Variants in ADAMTS18 observed in about 807,000 individuals in gnomAD.
ADAMTS18 encodes A disintegrin and metalloproteinase with thrombospondin motifs 18.
In ADAMTS18, 157 loss-of-function variants were observed where a neutral mutation model predicts 165.9. The ratio of observed to expected loss-of-function variants is 0.95; its 90% CI spans 0.83 to 1.08. The LOEUF (loss-of-function observed/expected upper bound fraction) is 1.08, where lower values mean the gene tolerates loss of function less well. ADAMTS18 is among the 50% of genes least tolerant of loss of function. ADAMTS18 has a pLI of 0.00. For synonymous variants in ADAMTS18, 782 were observed against 578.2 expected (o/e 1.35, Z -5.06); for missense variants, 2,040 against 1,534.0 (o/e 1.33, Z -5.51).
At chr16:77,434,542 C>G in intron 1 of ADAMTS18, 37 bp from the exon 2 acceptor site, 2 of 1,536,516 alleles carry the variant, frequency 1.3e-6, no homozygotes, top group Non-Finnish European at 1.7e-6. Flanking sequence ...GTGAGGGGCG[C>G]GGCGGGGCTG....
At chr16:77,426,402 T>A (rs2057673693) in intron 3 of ADAMTS18, among the ~76,000 whole-genome samples, 1 of 151,990 alleles carries the variant, frequency 6.6e-6, no homozygotes, top group South Asian at 2.1e-4. Flanking sequence ...ATAAACAGAG[T>A]TAAACAGGTG....
chr16:77,389,290 G>C (rs746565896), intron 3 of ADAMTS18, among the ~76,000 whole-genome samples: 1 of 152,202 alleles, frequency 6.6e-6, no homozygotes, highest in East Asian at 1.9e-4. Flanking sequence ...AGGCGACAGA[G>C]TGAGACTTTA....
chr16:77,421,523 C>A (rs771101433), intron 3 of ADAMTS18, among the ~76,000 whole-genome samples: 18 of 152,358 alleles, frequency 1.2e-4, no homozygotes, highest in South Asian at 4.1e-4. Context: ...TGGTGGGAAA[C>A]CACGCAATTT....
intron 3 of ADAMTS18, among the ~76,000 whole-genome samples, chr16:77,408,538 T>C (rs925546188): frequency 1.3e-5 from 2 of 152,154 alleles, no homozygotes; most frequent in Admixed American, 6.6e-5. Context: ...TACAGCTACA[T>C]ATAACAATAT....
rs541498446 is a variant in ADAMTS18 at position 77,372,492 on chromosome 16, T to A, written c.496-4769A>T. 5.9e-5 allele frequency among the ~76,000 whole-genome samples: 9 copies of A among 152,328 alleles called. No homozygotes were observed. In the South Asian group the frequency reaches 1.7e-3, roughly 28 times the overall value. The stretch of plus-strand genomic sequence containing the variant: ...GATAGTCATCTCAGGAGCTGTGGCA[T>A]CGACATGATGTGTAGAGCCTGAAAT... On this transcript the variant is annotated intron_variant, in intron 3 of 22. Transcript: ENST00000282849.
At chr16:77,317,116 T>C (rs983268694) in intron 16 of ADAMTS18, among the ~76,000 whole-genome samples, 2 of 152,232 alleles carry the variant, frequency 1.3e-5, no homozygotes, top group East Asian at 1.9e-4. Context: ...TGTTTTTTTA[T>C]CTCATACTTT....
intron 13 of ADAMTS18, among the ~76,000 whole-genome samples, chr16:77,324,212 C>T (rs2056054236): frequency 6.6e-6 from 1 of 152,112 alleles, no homozygotes; most frequent in African/African-American, 2.4e-5. Flanking sequence ...GAGAAAGAAC[C>T]ACAGGTAGGA....
chr16:77,320,990 A>G, intron 15 of ADAMTS18, 89 bp downstream of exon 15: 2 of 1,538,870 alleles, frequency 1.3e-6, no homozygotes, highest in East Asian at 4.5e-5. Flanking sequence ...TGAACTAGTA[A>G]AAGGCTCAAC....
In ADAMTS18 at chr16:77,367,680, G is replaced by C. The variant is rs1344404472; in HGVS notation, c.539C>G (p.Pro180Arg). Residue 180 changes from proline to arginine, a missense_variant, in exon 4 of 23, where the codon CCA (proline) becomes CGA (arginine). Physicochemically the swap from Pro to Arg is moderately radical, Grantham distance 103 (BLOSUM62 -2). Coordinates refer to ENST00000282849, the MANE Select transcript of ADAMTS18 (RefSeq NM_199355.4). Reference sequence around the variant, plus strand: ...TTCCTGGGCCAGAAGCTGAGGTAATGGCGAGATGAGGAATTCATTTTTTCG... The same window carrying C: ...TTCCTGGGCCAGAAGCTGAGGTAATCGCGAGATGAGGAATTCATTTTTTCG... Reference protein sequence around the residue: ...RTRKNEFLISPLPQLLAQEHN... With the variant: ...RTRKNEFLISRLPQLLAQEHN... 10 of 1,614,180 alleles carry C rather than the reference G, an allele frequency of 6.2e-6. No homozygotes were observed. The East Asian group carries it at 6.7e-5, about 11-fold the overall frequency.
intron 3 of ADAMTS18, among the ~76,000 whole-genome samples, chr16:77,386,222 A>G (rs2057105480): frequency 6.6e-6 from 1 of 152,202 alleles, no homozygotes; most frequent in South Asian, 2.1e-4. Context: ...GCATATTGTC[A>G]GAGCCCAGTT....
chr16:77,342,312 G>A (rs560880282), intron 10 of ADAMTS18, among the ~76,000 whole-genome samples: 1 of 152,234 alleles, frequency 6.6e-6, no homozygotes, highest in East Asian at 1.9e-4. Flanking sequence ...GTAAAGTGAT[G>A]GTTTTGCCTG....
chr16:77,288,718 G>A (rs2055303732), intron 22 of ADAMTS18, among the ~76,000 whole-genome samples: 1 of 152,010 alleles, frequency 6.6e-6, no homozygotes, highest in Admixed American at 6.6e-5. Flanking sequence ...GCTCCTTGAG[G>A]GCTATTGTTG....
chr16:77,291,159 G>A, intron 21 of ADAMTS18, 107 bp downstream of exon 21: 1 of 1,281,776 alleles, frequency 7.8e-7, no homozygotes, highest in Non-Finnish European at 1.1e-6. Flanking sequence ...GCCCTTAGTT[G>A]TTTTTACTTA....
chr16:77,362,357 T>G (rs2056728380), intron 6 of ADAMTS18, 93 bp from the exon 7 acceptor site: 1 of 1,419,402 alleles, frequency 7.0e-7, no homozygotes. Context: ...CAGAAACATA[T>G]TTCTAGGGAA....
chr16:77,289,493 T>C (rs969464693), intron 21 of ADAMTS18, 82 bp from the exon 22 acceptor site: 12 of 1,527,826 alleles, frequency 7.9e-6, no homozygotes, highest in Non-Finnish European at 9.9e-6. Context: ...CCATGCTTCA[T>C]GACATTAACA....
At chr16:77,395,168 T>C (rs1169268092) in intron 3 of ADAMTS18, among the ~76,000 whole-genome samples, 1 of 152,190 alleles carries the variant, frequency 6.6e-6, no homozygotes, top group Non-Finnish European at 1.5e-5. Context: ...TTGGGGAAAC[T>C]GGAAACTCTT....
chr16:77,298,725 G>T (rs916221460), intron 17 of ADAMTS18, among the ~76,000 whole-genome samples: 49 of 152,262 alleles, frequency 3.2e-4, no homozygotes, highest in African/African-American at 1.2e-3. Context: ...CCCAGAGGTC[G>T]AGGCAGCAGT....
intron 10 of ADAMTS18, among the ~76,000 whole-genome samples, chr16:77,344,593 A>C (rs2056448283): frequency 6.6e-6 from 1 of 152,152 alleles, no homozygotes; most frequent in Non-Finnish European, 1.5e-5. Context: ...GCCAGGAAAA[A>C]GCCATAACCC....
chr16:77,284,680 A>C (rs1446371274), intron 22 of ADAMTS18, among the ~76,000 whole-genome samples: 1 of 152,138 alleles, frequency 6.6e-6, no homozygotes, highest in African/African-American at 2.4e-5. Flanking sequence ...TCAATGTCTG[A>C]TCCTCCCTAT....
Sources: gnomAD v4.1 joint callset for allele counts (sites outside exome capture counted in the v4.1 genomes callset) on GRCh38, gnomAD v4.1.1 for gene constraint, MANE v1.5 for transcripts, NCBI Gene and HGNC (gene_info 2026-07-23, HGNC 2026-07-21) for gene names.